Variants in ATP8A2 observed in about 807,000 individuals in gnomAD.
ATP8A2 encodes the protein ATPase phospholipid transporting 8A2, also known as phospholipid-transporting ATPase IB.
A neutral mutation model predicts 165.6 loss-of-function variants in ATP8A2; 100 were observed. That is an observed-to-expected ratio of 0.60 (90% CI 0.51 to 0.71). The LOEUF (loss-of-function observed/expected upper bound fraction) is 0.71, where lower values mean the gene tolerates loss of function less well. ATP8A2 is among the 30% of genes least tolerant of loss of function. The pLI is 0.00. For synonymous variants in ATP8A2, 543 were observed against 548.8 expected (o/e 0.99, Z 0.15); for missense variants, 1,227 against 1,479.5 (o/e 0.83, Z 2.80).
At position 25,537,994 on chromosome 13, in the gene ATP8A2, G is replaced by C; in HGVS notation, c.514G>C (p.Val172Leu). The C allele has an allele frequency of 6.2e-7, 1 of 1,612,842 alleles. No homozygotes were observed. The highest frequency in any genetic ancestry group is 8.5e-7 in the Non-Finnish European group (1 of 1,178,908). ...CTCATCCCTGTCTCTCTAGGTGGCA[G>C]TGGGAGACATTGTGAAGGTCGTCAA... ...WHTIMWKEVA[V>L]GDIVKVVNGQ... The change falls in exon 7 of 37, where the codon GTG (valine) becomes CTG (leucine). Residue 172 changes from valine (V) to leucine (L), a missense_variant. Around this residue, in one of 5 missense-constraint regions of ATP8A2, gnomAD observed 356 missense variants for 394.9 expected, o/e 0.90. Coordinates refer to ENST00000381655, the MANE Select transcript of ATP8A2 (RefSeq NM_016529.6).
intron 25 of ATP8A2, among the ~76,000 whole-genome samples, chr13:25,704,910 G>A (rs1406114579): frequency 6.6e-6 from 1 of 152,154 alleles, no homozygotes; most frequent in Non-Finnish European, 1.5e-5. Flanking sequence ...ACAGTTGGCT[G>A]TGTCAGCTAA....
At chr13:25,531,158 GAT>G (rs1176414411) in intron 4 of ATP8A2, among the ~76,000 whole-genome samples, 3 of 129,212 alleles carry the variant, frequency 2.3e-5, no homozygotes, top group East Asian at 4.0e-4. Flanking sequence ...TTATATATAT[GAT>G]ATATATGTTA....
intron 2 of ATP8A2, among the ~76,000 whole-genome samples, chr13:25,473,916 A>C (rs913399679): frequency 6.6e-6 from 1 of 152,226 alleles, no homozygotes; most frequent in East Asian, 1.9e-4. Context: ...TAATGTGCTG[A>C]TCAAAGGAAT....
chr13:25,706,618 C>G (rs954170355), intron 25 of ATP8A2, among the ~76,000 whole-genome samples: 1 of 152,104 alleles, frequency 6.6e-6, no homozygotes, highest in African/African-American at 2.4e-5. Flanking sequence ...TTTTAGTTGG[C>G]CTCCATATTG....
chr13:26,016,582 T>A (rs1956980270), intron 36 of ATP8A2, among the ~76,000 whole-genome samples: 1 of 152,210 alleles, frequency 6.6e-6, no homozygotes, highest in Non-Finnish European at 1.5e-5. Flanking sequence ...GGGAGTAGAC[T>A]ATTCCAAAGG....
At chr13:25,737,921 T>C (rs1310290697) in intron 25 of ATP8A2, among the ~76,000 whole-genome samples, 1 of 152,152 alleles carries the variant, frequency 6.6e-6, no homozygotes, top group Non-Finnish European at 1.5e-5. Flanking sequence ...CCTGACCTCG[T>C]GATCCGCCCC....
intron 2 of ATP8A2, among the ~76,000 whole-genome samples, chr13:25,528,559 A>G (rs1277481346): frequency 1.3e-5 from 2 of 152,106 alleles, no homozygotes; most frequent in African/African-American, 4.8e-5. Context: ...GTCCAGTCTC[A>G]CAGTAGTGTA....
chr13:25,851,573 ACT>A lies in ATP8A2; in HGVS notation c.2957-8619_2957-8618del, dbSNP rs1952010158. ...ACTCCAGCCTGGGTGACAGAGTGTGACTCTGTCTCAAAAAAAAAAAAAAAATT... is the reference window on the plus strand; with the variant it reads ...ACTCCAGCCTGGGTGACAGAGTGTGACTGTCTCAAAAAAAAAAAAAAAATT... On this transcript the variant is annotated intron_variant, in intron 30 of 36. Transcript: ENST00000381655. 2.1e-5 allele frequency among the ~76,000 whole-genome samples: 3 copies of A among 143,676 alleles called. No individual in the cohort carries two copies. The South Asian group carries it at 6.6e-4, about 32-fold the overall frequency. 94.3% of individuals were successfully genotyped at this position (143,676 alleles called of 152,430 possible).
intron 30 of ATP8A2, among the ~76,000 whole-genome samples, chr13:25,841,917 A>G (rs1255642949): frequency 6.6e-6 from 1 of 152,172 alleles, no homozygotes; most frequent in Non-Finnish European, 1.5e-5. Flanking sequence ...TATGGGGTAG[A>G]GAGAGAAGGA....
intron 35 of ATP8A2, among the ~76,000 whole-genome samples, chr13:26,003,803 A>G (rs1956683780): frequency 6.6e-6 from 1 of 152,034 alleles, no homozygotes; most frequent in Non-Finnish European, 1.5e-5. Flanking sequence ...TGTTATTAGC[A>G]CCTTTGTTGA....
intron 33 of ATP8A2, chr13:25,863,533 C>T (rs1297720687): frequency 6.6e-6 from 1 of 152,200 alleles, no homozygotes; most frequent in Non-Finnish European, 1.5e-5. Context: ...GTGGGTCAGG[C>T]TTTCATTGGT....
intron 35 of ATP8A2, among the ~76,000 whole-genome samples, chr13:25,981,622 C>T (rs1396128469): frequency 6.6e-6 from 1 of 152,070 alleles, no homozygotes; most frequent in Non-Finnish European, 1.5e-5. Flanking sequence ...TTATATGAAA[C>T]AATTCGTATG....
intron 33 of ATP8A2, among the ~76,000 whole-genome samples, chr13:25,948,368 T>A (rs908332340): frequency 6.6e-6 from 1 of 152,186 alleles, no homozygotes; most frequent in African/African-American, 2.4e-5. Context: ...ATTTACCATG[T>A]GCCAAGCACC....
chr13:25,946,157 G>C (rs1213746074), intron 33 of ATP8A2, among the ~76,000 whole-genome samples: 1 of 152,052 alleles, frequency 6.6e-6, no homozygotes, highest in African/African-American at 2.4e-5. Context: ...TTCCATCCCA[G>C]GTCTGTCTGA....
intron 27 of ATP8A2, among the ~76,000 whole-genome samples, chr13:25,797,430 G>A (rs909788285): frequency 3.3e-5 from 5 of 151,792 alleles, no homozygotes; most frequent in Non-Finnish European, 7.4e-5. Context: ...ATGTATCCAC[G>A]AAAACTAAAA....
intron 35 of ATP8A2, among the ~76,000 whole-genome samples, chr13:25,990,365 A>G (rs1260787176): frequency 6.6e-6 from 1 of 151,718 alleles, no homozygotes; most frequent in African/African-American, 2.4e-5. Context: ...AAAGTGTGGC[A>G]TGGAAAACCA....
intron 2 of ATP8A2, among the ~76,000 whole-genome samples, chr13:25,496,952 G>A (rs1001190006): frequency 6.6e-6 from 1 of 152,098 alleles, no homozygotes; most frequent in Non-Finnish European, 1.5e-5. Context: ...CTCTGGGCAC[G>A]GCTTATGTTT....
At chr13:25,533,422 C>T in intron 6 of ATP8A2, 109 bp downstream of exon 6, 1 of 642,414 alleles carries the variant, frequency 1.6e-6, no homozygotes, top group Non-Finnish European at 2.7e-6. Flanking sequence ...TAGAGTTTTC[C>T]ATGAGGTCTG....
intron 33 of ATP8A2, among the ~76,000 whole-genome samples, chr13:25,898,384 G>A (rs751800662): frequency 2.0e-5 from 3 of 152,198 alleles, no homozygotes; most frequent in Admixed American, 6.5e-5. Flanking sequence ...TGTTCTTCTG[G>A]AAGTTTTGTC....
Sources: allele counts gnomAD v4.1 joint callset (sites outside exome capture counted in the v4.1 genomes callset), GRCh38; gene constraint gnomAD v4.1.1; regional missense constraint gnomAD v4.1.1; transcripts MANE v1.5; gene names NCBI Gene and HGNC (gene_info 2026-07-23, HGNC 2026-07-21).